PCNX1: variants seen among roughly 807,000 people sequenced by gnomAD.
PCNX1 encodes the protein pecanex 1, also known as pecanex-like protein 1.
Under a neutral mutation model 242.2 loss-of-function variants are expected in PCNX1, and 78 were observed. The observed-to-expected ratio is 0.32, with a 90% confidence interval of 0.27 to 0.39. The LOEUF is 0.39. Among genes scored for constraint, PCNX1 ranks in the 10% least tolerant of loss-of-function variants. The probability of loss-of-function intolerance (pLI) is 1.00; values close to 1 mark genes in which losing one functional copy is unlikely to be tolerated. For synonymous variants in PCNX1, 1,024 were observed against 1,032.9 expected (o/e 0.99, Z 0.17); for missense variants, 2,581 against 2,856.5 (o/e 0.90, Z 2.20).
chr14:71,036,256 C>A, intron 19 of PCNX1, 99 bp downstream of exon 19: 1 of 760,852 alleles, frequency 1.3e-6, no homozygotes, highest in Non-Finnish European at 2.3e-6. Flanking sequence ...ACAGTTCATT[C>A]TAACCTTGAA....
Position 71,089,354 on chromosome 14 carries a change from A to G in PCNX1, c.5589+12A>G, listed in dbSNP as rs371166220. The G allele has an allele frequency of 3.4e-4, 541 of 1,598,218 alleles. No homozygotes were observed. Among genetic ancestry groups the G allele is most frequent in the Non-Finnish European group, 3.8e-4 (443 of 1,168,980 alleles). On this transcript the variant is annotated intron_variant, in intron 30 of 35. Transcript: ENST00000304743. ...TTAAACTTCATCAGGTAAGAAGATG[A>G]GATTTTTCTAATTCATTACTGGTGT...
chr14:70,910,218 C>CCTCCTTCTCCTCCTCCTCCTT (rs2055830630), intron 1 of PCNX1, among the ~76,000 whole-genome samples: 2 of 69,440 alleles, frequency 2.9e-5, no homozygotes, highest in Non-Finnish European at 6.6e-5. Context: ...TCCTCCTCCT[C>CCTCCTTCTCCTCCTCCTCCTT]CTCCTCCTCC....
Position 71,113,516 on chromosome 14 carries a change from G to C in PCNX1, c.*3581G>C, listed in dbSNP as rs2062794197. 1 of 152,580 alleles carries C rather than the reference G, an allele frequency of 6.6e-6. No individual in the cohort carries two copies. The allele number at this position is 152,580 out of a possible 1,614,324, so 9.5% of individuals were successfully genotyped here. A position where few individuals can be genotyped will look rare whatever the true frequency, so the allele number is the denominator to read the frequency against. Reference sequence around the variant, plus strand: ...TTCAGCAAGTTTAGCTTATAGCCTTGATAAATTCCTCTGTGCTTCTGAGCA... The same window carrying C: ...TTCAGCAAGTTTAGCTTATAGCCTTCATAAATTCCTCTGTGCTTCTGAGCA... On this transcript the variant is annotated 3_prime_UTR_variant, in exon 36 of 36. Coordinates refer to ENST00000304743, the MANE Select transcript of PCNX1 (RefSeq NM_014982.3).
chr14:71,077,893 C>G (rs2061758081), intron 28 of PCNX1, among the ~76,000 whole-genome samples: 1 of 152,070 alleles, frequency 6.6e-6, no homozygotes, highest in Non-Finnish European at 1.5e-5. Context: ...ATGATATTGG[C>G]TATTTTGTTA....
At chr14:71,108,109 G>T (rs2062674049) in intron 33 of PCNX1, among the ~76,000 whole-genome samples, 1 of 152,198 alleles carries the variant, frequency 6.6e-6, no homozygotes, top group Non-Finnish European at 1.5e-5. Flanking sequence ...CTCTTCCCCA[G>T]CCCCTGGCAA....
Position 70,977,870 on chromosome 14 carries a change from A to C in PCNX1, c.1533A>C (p.Ala511=). Reference sequence around the variant, plus strand: ...GGGACAGACCACCTGGGAACACTGCAGAAAACAAAGAAGAGAAGAGTGATA... The same window carrying C: ...GGGACAGACCACCTGGGAACACTGCCGAAAACAAAGAAGAGAAGAGTGATA... The part of the protein sequence containing the change: ...SQGDRPPGNT[A]ENKEEKSDKS... The change falls in exon 6 of 36, where the codon GCA becomes GCC. Residue 511 remains alanine (A), a synonymous_variant. Coordinates refer to ENST00000304743, the MANE Select transcript of PCNX1 (RefSeq NM_014982.3). The C allele has an allele frequency of 6.2e-7, 1 of 1,614,190 alleles. No individual in the cohort carries two copies. The highest frequency in any genetic ancestry group is 8.5e-7 in the Non-Finnish European group (1 of 1,180,032).
chr14:70,993,738 G>A lies in PCNX1; in HGVS notation c.2445-2003G>A, dbSNP rs543341291. Among the ~76,000 whole-genome samples the A allele has an allele frequency of 2.9e-4, 44 of 152,190 alleles. No homozygotes were observed. In the South Asian group the frequency reaches 6.0e-3, roughly 21 times the overall value. On this transcript the variant is annotated intron_variant, in intron 7 of 35. Coordinates refer to ENST00000304743, the MANE Select transcript of PCNX1 (RefSeq NM_014982.3). ...TTGAGTACGTATTTTGTAAAATTCT[G>A]TGTCTTCTGAATCGGAAGGGACACA...
intron 12 of PCNX1, among the ~76,000 whole-genome samples, chr14:71,019,484 C>T (rs1473094068): frequency 1.3e-5 from 2 of 152,144 alleles, no homozygotes; most frequent in Admixed American, 6.5e-5. Flanking sequence ...TCACTGCAAC[C>T]GTCGCCTCCC....
intron 8 of PCNX1, among the ~76,000 whole-genome samples, chr14:71,005,376 C>A (rs191469185): frequency 6.6e-6 from 1 of 152,006 alleles, no homozygotes; most frequent in African/African-American, 2.4e-5. Flanking sequence ...GGCACTGTGG[C>A]GTGTGCCTGC....
intron 1 of PCNX1, among the ~76,000 whole-genome samples, chr14:70,925,214 C>G (rs1447631267): frequency 1.3e-5 from 2 of 152,148 alleles, no homozygotes; most frequent in Non-Finnish European, 2.9e-5. Context: ...GTCTTGGACT[C>G]CGGACCTCAA....
At chr14:70,994,748 A>G (rs2059297639) in intron 7 of PCNX1, among the ~76,000 whole-genome samples, 1 of 151,986 alleles carries the variant, frequency 6.6e-6, no homozygotes, top group Non-Finnish European at 1.5e-5. Context: ...GAGTTTTGTC[A>G]GTTTAAATTT....
chr14:70,950,954 T>G (rs2057753177), intron 2 of PCNX1, among the ~76,000 whole-genome samples: 1 of 152,116 alleles, frequency 6.6e-6, no homozygotes, highest in Non-Finnish European at 1.5e-5. Flanking sequence ...TTTTGTGTGT[T>G]TGTTATTTCT....
At chr14:71,016,702 TGAATTTTGG>T (rs1425583101) in intron 11 of PCNX1, among the ~76,000 whole-genome samples, 3 of 152,164 alleles carry the variant, frequency 2.0e-5, no homozygotes, top group African/African-American at 7.2e-5. Context: ...ACACCATATC[TGAATTTTGG>T]GAATGCCACT....
intron 7 of PCNX1, 92 bp downstream of exon 7, chr14:70,988,791 T>G: frequency 7.0e-7 from 1 of 1,429,822 alleles, no homozygotes; most frequent in Non-Finnish European, 9.6e-7. Context: ...TGAAGAGCTT[T>G]GTTTTTCTTT....
chr14:70,925,447 A>AT (rs772824271), intron 1 of PCNX1, among the ~76,000 whole-genome samples: 5 of 151,332 alleles, frequency 3.3e-5, no homozygotes, highest in African/African-American at 9.7e-5. Context: ...TGAAAAATAG[A>AT]TTTTTCCCCC....
chr14:70,932,517 T>C (rs1241095301), intron 1 of PCNX1, among the ~76,000 whole-genome samples: 2 of 152,104 alleles, frequency 1.3e-5, no homozygotes, highest in Non-Finnish European at 2.9e-5. Context: ...TAACAGACTC[T>C]GTTCCTAGTC....
chr14:70,978,794 G>C (rs2058754352), intron 6 of PCNX1, 146 bp downstream of exon 6: 2 of 750,226 alleles, frequency 2.7e-6, no homozygotes, highest in Non-Finnish European at 4.0e-6. Flanking sequence ...GAAGAAGTAG[G>C]TGATTATCTT....
chr14:70,947,350 G>A (rs1566603647), intron 2 of PCNX1, among the ~76,000 whole-genome samples: 1 of 152,168 alleles, frequency 6.6e-6, no homozygotes, highest in Non-Finnish European at 1.5e-5. Flanking sequence ...TTACTAGACA[G>A]GTTAGAACAG....
rs896814323 is a variant in PCNX1, at chr14:71,071,060, C to A, written c.4853-2485C>A. Among the ~76,000 whole-genome samples, 3 of 152,226 alleles carry A rather than the reference C, an allele frequency of 2.0e-5. No homozygotes were observed. In the East Asian group the frequency reaches 5.8e-4, roughly 29 times the overall value. ...CAGTTTTATGTTATGAAGACAGCTT[C>A]TTTCCTTAAACCTCATGACCCAATC... On this transcript the variant is annotated intron_variant, in intron 26 of 35. Transcript: ENST00000304743.
Sources: gnomAD v4.1 joint callset for allele counts (sites outside exome capture counted in the v4.1 genomes callset) on GRCh38, gnomAD v4.1.1 for gene constraint, MANE v1.5 for transcripts, NCBI Gene and HGNC (gene_info 2026-07-23, HGNC 2026-07-21) for gene names.